The following ZIC4 variants were observed in gnomAD, a reference collection of about 807,000 sequenced individuals.
ZIC4 encodes the protein zinc finger protein ZIC 4.
A neutral mutation model predicts 28.8 loss-of-function variants in ZIC4; 15 were observed. The observed-to-expected ratio is 0.52, with a 90% CI of 0.35 to 0.80. The LOEUF (loss-of-function observed/expected upper bound fraction) is 0.80. Among genes scored for constraint, ZIC4 ranks in the 30% least tolerant of loss-of-function variants. The probability of loss-of-function intolerance (pLI) is 0.01; values close to 1 mark genes in which losing one functional copy is unlikely to be tolerated. For missense variants in ZIC4, 512 were observed against 467.1 expected, an observed-to-expected ratio of 1.10 and a Z score of -0.89; for synonymous variants, 220 against 198.1, an observed-to-expected ratio of 1.11 and a Z score of -0.93.
At chr3:147,397,562 G>A (rs988057297) in intron 2 of ZIC4, among the ~76,000 whole-genome samples, 2 of 151,976 alleles carry the variant, frequency 1.3e-5, no homozygotes, top group Non-Finnish European at 2.9e-5. Context: ...GAAGTACTCG[G>A]GGCTGGGTTA....
In ZIC4 at chr3:147,405,651, G is replaced by C. The variant is rs925856655; in HGVS notation, c.-16+712C>G. ...AGTTGCTGCTCTTGTTCGCATTGGAGATAAAGAAAGCCAAGTCCCGAACCC... is the reference window on the plus strand; with the variant it reads ...AGTTGCTGCTCTTGTTCGCATTGGACATAAAGAAAGCCAAGTCCCGAACCC... On this transcript the variant is annotated intron_variant, in intron 1 of 4. Transcript: ENST00000383075. 4.3e-6 allele frequency: 3 copies of C among 700,032 alleles called. No homozygotes were observed. The Admixed American group carries it at 7.5e-5, about 17-fold the overall frequency. The allele number at this position is 700,032 out of a possible 1,614,324, so 43.4% of individuals were successfully genotyped here. A position where few individuals can be genotyped will look rare whatever the true frequency, so the allele number is the denominator to read the frequency against.
In ZIC4 at chr3:147,396,355, A is replaced by T. The variant is rs2087043937; in HGVS notation, c.185T>A (p.Leu62His). 1.3e-6 allele frequency: 2 copies of T among 1,558,822 alleles called. No homozygotes were observed. Among genetic ancestry groups the T allele is most frequent in the African/African-American group, 1.4e-5 (1 of 72,876 alleles). ...QASPSRPLNG[L>H]LRLGLPGDMY... Reference sequence around the variant, plus strand: ...GTCTCCAGGGAGCCCCAGACGCAGGAGTCCATTCAAAGGACGGCTGGGGGA... The same window carrying T: ...GTCTCCAGGGAGCCCCAGACGCAGGTGTCCATTCAAAGGACGGCTGGGGGA... Residue 62 changes from leucine (L) to histidine (H), a missense_variant, in exon 3 of 5, where the codon CTC (leucine) becomes CAC (histidine). By Grantham distance (99) the Leu-to-His change is moderately conservative. Coordinates refer to ENST00000383075, the MANE Select transcript of ZIC4 (RefSeq NM_032153.6). This position sits in a 1 kb window ranked among gnomAD's most constrained non-coding sequence, Gnocchi z 4.2.
intron 3 of ZIC4, among the ~76,000 whole-genome samples, chr3:147,394,786 C>T (rs2087004323): frequency 6.6e-6 from 1 of 152,182 alleles, no homozygotes; most frequent in South Asian, 2.1e-4. Flanking sequence ...ATGGACCTTC[C>T]CCGGGAAGGG....
Position 147,396,777 on chromosome 3 carries a change from G to C in ZIC4, c.71-308C>G, listed in dbSNP as rs893860410. The C allele has an allele frequency of 2.3e-5, 7 of 305,986 alleles. No individual in the cohort carries two copies. The highest frequency in any genetic ancestry group is 4.2e-5 in the Non-Finnish European group (7 of 166,734). The allele number at this position is 305,986 out of a possible 1,614,324, so 19.0% of individuals were successfully genotyped here. On this transcript the variant is annotated intron_variant, in intron 2 of 4. Coordinates refer to ENST00000383075, the MANE Select transcript of ZIC4 (RefSeq NM_032153.6). The surrounding 1 kb of genome is among the most constrained non-coding windows in gnomAD (Gnocchi z 4.2). ...GGGCTGAGTCTGTGGGTTGCTGGGG[G>C]TTCTGCTCCAGAGGGGTAGGAGCTG...
At chr3:147,403,852 C>T (rs969803380) in intron 1 of ZIC4, 22 of 1,053,182 alleles carry the variant, frequency 2.1e-5, no homozygotes, top group Non-Finnish European at 2.8e-5. Flanking sequence ...ATCTCTCTCT[C>T]TCTCTCTCCC....
intron 2 of ZIC4, among the ~76,000 whole-genome samples, chr3:147,398,223 G>C (rs1576461556): frequency 6.6e-6 from 1 of 152,210 alleles, no homozygotes; most frequent in Non-Finnish European, 1.5e-5. Flanking sequence ...CCCCGCAGTC[G>C]TACGGAGCCT....
intron 3 of ZIC4, 86 bp from the exon 4 acceptor site, chr3:147,391,332 T>G (rs888921399): frequency 7.0e-7 from 1 of 1,425,426 alleles, no homozygotes; most frequent in Non-Finnish European, 9.3e-7. Flanking sequence ...GTCTCTCATT[T>G]TCTGGAAAAG....
chr3:147,390,414 A>C (rs1384705029), intron 4 of ZIC4, among the ~76,000 whole-genome samples: 2 of 118,424 alleles, frequency 1.7e-5, no homozygotes, highest in Non-Finnish European at 3.5e-5. Flanking sequence ...GGAGGGTTAG[A>C]GTGGGGGTGG....
intron 3 of ZIC4, chr3:147,392,288 G>T (rs897893503): frequency 1.0e-6 from 1 of 985,680 alleles, no homozygotes; most frequent in African/African-American, 1.7e-5. Context: ...CAGCCCGGAG[G>T]GCCACCAGGC....
rs1387489382 is a variant in ZIC4, at chr3:147,386,554, G to A, written c.*2305C>T. 3 of 152,732 alleles carry A rather than the reference G, an allele frequency of 2.0e-5. No individual in the cohort carries two copies. Among genetic ancestry groups the A allele is most frequent in the South Asian group, 4.1e-4 (2 of 4,824 alleles). The allele number at this position is 152,732 out of a possible 1,614,324, so 9.5% of individuals were successfully genotyped here. A position where few individuals can be genotyped will look rare whatever the true frequency, so the allele number is the denominator to read the frequency against. ...ACAGCTTGGAAAAACTTCTTTACAA[G>A]CCATTTATTCAGCACACACAGAGTA... On this transcript the variant is annotated 3_prime_UTR_variant, in exon 5 of 5. Coordinates refer to ENST00000383075, the MANE Select transcript of ZIC4 (RefSeq NM_032153.6).
At chr3:147,405,856 A>AG (rs2087266670) in intron 1 of ZIC4, 1 of 273,462 alleles carries the variant, frequency 3.7e-6, no homozygotes. Flanking sequence ...GACCCTGGAG[A>AG]GGGGAAGCAG....
At position 147,398,885 on chromosome 3, in the gene ZIC4, A is replaced by T. The variant is rs60974408; in HGVS notation, c.71-2416T>A. On this transcript the variant is annotated intron_variant, in intron 2 of 4. Coordinates refer to ENST00000383075, the MANE Select transcript of ZIC4 (RefSeq NM_032153.6). ...TGGTCAGTAAATAAGGCCTTAAAAA[A>T]TTTTTTTTTAAAATAATTAACTGAT... Among the ~76,000 whole-genome samples the T allele has an allele frequency of 1.9e-3, 286 of 151,674 alleles. 1 individual carries two copies. Among genetic ancestry groups the T allele is most frequent in the African/African-American group, 3.9e-3 (163 of 41,324 alleles).
At position 147,396,489 on chromosome 3, in the gene ZIC4, C is replaced by A. The variant is rs756574574; in HGVS notation, c.71-20G>T. On this transcript the variant is annotated intron_variant, in intron 2 of 4. Coordinates refer to ENST00000383075, the MANE Select transcript of ZIC4 (RefSeq NM_032153.6). The surrounding 1 kb of genome is among the most constrained non-coding windows in gnomAD (Gnocchi z 4.2). ...TGCTACCTGTTGTCGAAACAAATAGCGCGCATGAGAACGGGTGGCGTGGGC... is the reference window on the plus strand; with the variant it reads ...TGCTACCTGTTGTCGAAACAAATAGAGCGCATGAGAACGGGTGGCGTGGGC... 2 of 1,502,734 alleles carry A rather than the reference C, an allele frequency of 1.3e-6. No homozygotes were observed. Among genetic ancestry groups the A allele is most frequent in the Non-Finnish European group, 1.8e-6 (2 of 1,131,060 alleles). The allele number at this position is 1,502,734 out of a possible 1,614,324, so 93.1% of individuals were successfully genotyped here. A position where few individuals can be genotyped will look rare whatever the true frequency, so the allele number is the denominator to read the frequency against.
chr3:147,403,888 C>A, intron 1 of ZIC4: 3 of 1,402,574 alleles, frequency 2.1e-6, no homozygotes, highest in South Asian at 1.5e-5. Context: ...AGAATTCCAA[C>A]TGGCTTGGCG....
In ZIC4 at chr3:147,396,081, C is replaced by T; in HGVS notation, c.459G>A (p.Glu153=). 3 of 1,614,258 alleles carry T rather than the reference C, an allele frequency of 1.9e-6. No homozygotes were observed. Among genetic ancestry groups the T allele is most frequent in the Non-Finnish European group, 1.7e-6 (2 of 1,180,062 alleles). Residue 153 remains glutamate (E), a synonymous_variant, in exon 3 of 5, where the codon GAG becomes GAA. Coordinates refer to ENST00000383075, the MANE Select transcript of ZIC4 (RefSeq NM_032153.6). This position sits in a 1 kb window ranked among gnomAD's most constrained non-coding sequence, Gnocchi z 4.2. The part of the protein sequence containing the change: ...LCSKTFSTMH[E]LVTHVTVEHV... The stretch of plus-strand genomic sequence containing the variant: ...GCTCCACGGTGACGTGCGTGACCAG[C>T]TCGTGCATGGTGCTGAAAGTTTTGG...
intron 1 of ZIC4, chr3:147,406,158 C>T (rs2087272291): frequency 6.5e-6 from 1 of 153,330 alleles, no homozygotes; most frequent in Non-Finnish European, 1.5e-5. Flanking sequence ...GAAGGGCCCC[C>T]TCCTCCCCTT....
intron 2 of ZIC4, among the ~76,000 whole-genome samples, chr3:147,398,688 C>G (rs2107978559): frequency 6.6e-6 from 1 of 152,194 alleles, no homozygotes; most frequent in African/African-American, 2.4e-5. Flanking sequence ...AAGTGTCCCC[C>G]AAACAGAGAA....
intron 4 of ZIC4, chr3:147,389,136 C>A: frequency 1.8e-6 from 1 of 548,512 alleles, no homozygotes; most frequent in Non-Finnish European, 3.2e-6. Flanking sequence ...AGCCTCTGGG[C>A]CCTATTGTAT....
Position 147,396,674 on chromosome 3 carries a change from G to A in ZIC4, c.71-205C>T. 1 of 564,958 alleles carries A rather than the reference G, an allele frequency of 1.8e-6. No homozygotes were observed. Among genetic ancestry groups the A allele is most frequent in the East Asian group, 3.1e-5 (1 of 32,258 alleles). 35.0% of individuals were successfully genotyped at this position (564,958 alleles called of 1,614,324 possible). A position where few individuals can be genotyped will look rare whatever the true frequency, so the allele number is the denominator to read the frequency against. On this transcript the variant is annotated intron_variant, in intron 2 of 4. Coordinates refer to ENST00000383075, the MANE Select transcript of ZIC4 (RefSeq NM_032153.6). The surrounding 1 kb of genome is among the most constrained non-coding windows in gnomAD (Gnocchi z 4.2). ...CCGCCATTGGGCCGAATTGCTGTTGGGCCAAGTCCCCCGCCGCGCCATGAG... is the reference window on the plus strand; with the variant it reads ...CCGCCATTGGGCCGAATTGCTGTTGAGCCAAGTCCCCCGCCGCGCCATGAG...
Sources: gnomAD v4.1 joint callset for allele counts (sites outside exome capture counted in the v4.1 genomes callset) on GRCh38, gnomAD v4.1.1 for gene constraint, Gnocchi (gnomAD v3.1) non-coding constraint, MANE v1.5 for transcripts, NCBI Gene and HGNC (gene_info 2026-07-23, HGNC 2026-07-21) for gene names.